The following OCRL variants were observed in gnomAD, a reference collection of about 807,000 sequenced individuals.
OCRL encodes OCRL inositol polyphosphate-5-phosphatase.
OCRL carries 8 observed loss-of-function variants against 78.9 expected under a neutral mutation model. The ratio of observed to expected loss-of-function variants is 0.10; its 90% confidence interval spans 0.06 to 0.18. The LOEUF (loss-of-function observed/expected upper bound fraction) is 0.18. OCRL is among the 10% of genes least tolerant of loss of function. The pLI is 1.00. For missense variants in OCRL, 454 were observed against 696.7 expected (o/e 0.65, Z 3.92); for synonymous variants, 240 against 235.4 (o/e 1.02, Z -0.18).
intron 22 of OCRL, chrX:129,589,423 T>C (rs1936559005): frequency 3.6e-6 from 1 of 274,048 alleles, no homozygotes; most frequent in African/African-American, 2.8e-5. Flanking sequence ...TACCTGTGAA[T>C]TGGACTAGTG....
chrX:129,581,342 T>C (rs1009462302), intron 18 of OCRL, among the ~76,000 whole-genome samples: 7 of 112,342 alleles, frequency 6.2e-5, no homozygotes, highest in Non-Finnish European at 1.1e-4. Flanking sequence ...GTTCTCTTTT[T>C]AAATGTAATC....
chrX:129,555,048 G>A (rs1055451067), intron 4 of OCRL, among the ~76,000 whole-genome samples: 31 of 110,692 alleles, frequency 2.8e-4, no homozygotes, highest in African/African-American at 9.2e-4. Flanking sequence ...GGACCAGCCA[G>A]TTTTGCAGTT....
chrX:129,576,483 A>G lies in OCRL; in HGVS notation c.2046A>G (p.Thr682=). ...ATTACCTCCCAAGTTGTTTTGGCAC[A>G]TCCTTAGAGGCTCTGTGCCGTATGA... ...SGNYLPSCFG[T]SLEALCRMKR... The change falls in exon 18 of 24, where the codon ACA becomes ACG. Residue 682 remains threonine, a synonymous_variant. Transcript: ENST00000371113. The G allele has an allele frequency of 8.3e-7, 1 of 1,211,816 alleles. No individual in the cohort carries two copies. The highest frequency in any genetic ancestry group is 1.1e-6 in the Non-Finnish European group (1 of 895,325).
Position 129,569,342 on chromosome X carries a change from T to C in OCRL, c.1545T>C (p.Ser515=). The C allele has an allele frequency of 8.3e-7, 1 of 1,211,059 alleles. No individual in the cohort carries two copies. The highest frequency in any genetic ancestry group is 1.8e-5 in the South Asian group (1 of 56,969). ...ATGTTAATCAGCTTAATTATCGGAG[T>C]CACATGGAACTGAAAACCAGCGACC... The part of the protein sequence containing the change: ...GTNVNQLNYR[S]HMELKTSDHK... The change falls in exon 15 of 24, where the codon AGT becomes AGC. Residue 515 remains serine (S), a synonymous_variant. Transcript: ENST00000371113.
chrX:129,548,650 T>A, intron 4 of OCRL, 49 bp downstream of exon 4: 1 of 1,033,797 alleles, frequency 9.7e-7, no homozygotes, highest in Non-Finnish European at 1.4e-6. Flanking sequence ...AAATATTTAC[T>A]TGAACACTCA....
At chrX:129,589,778 T>C in intron 22 of OCRL, 67 bp from the exon 23 acceptor site, 1 of 736,674 alleles carries the variant, frequency 1.4e-6, no homozygotes, top group South Asian at 2.1e-5. Flanking sequence ...TTACAGCAGC[T>C]GTAAGTTCCT....
At chrX:129,555,002 A>T (rs906870709) in intron 4 of OCRL, among the ~76,000 whole-genome samples, 10 of 105,866 alleles carry the variant, frequency 9.4e-5, no homozygotes, top group Non-Finnish European at 1.3e-4. Flanking sequence ...TAAATAAATA[A>T]AAATAAGAGG....
intron 12 of OCRL, among the ~76,000 whole-genome samples, chrX:129,563,314 G>A (rs760316884): frequency 8.1e-5 from 9 of 111,764 alleles, no homozygotes; most frequent in Non-Finnish European, 1.5e-4. Context: ...TAAAGACTTA[G>A]GAAGAAGATG....
chrX:129,560,112 C>T (rs938564360), intron 8 of OCRL, among the ~76,000 whole-genome samples: 8 of 112,129 alleles, frequency 7.1e-5, no homozygotes, highest in Admixed American at 6.6e-4. Flanking sequence ...ATCAGAATTT[C>T]CTACACAGAT....
At chrX:129,565,656 T>G in intron 12 of OCRL, 116 bp from the exon 13 acceptor site, 29 of 561,422 alleles carry the variant, frequency 5.2e-5, no homozygotes, top group East Asian at 1.3e-4. Context: ...AAACCCCTTG[T>G]GAGATAGTGG....
At position 129,540,813 on chromosome X, in the gene OCRL, G is replaced by C. The variant is rs767054196; in HGVS notation, c.109G>C (p.Gly37Arg). The change falls in exon 2 of 24, where the codon GGG becomes CGG. Residue 37 changes from glycine (G) to arginine (R), a missense_variant. This residue lies in a region of OCRL where 177 missense variants were observed against 179.6 expected (regional missense o/e 0.99). Coordinates refer to ENST00000371113, the MANE Select transcript of OCRL (RefSeq NM_000276.4). ...PCALTLAQRNGQYELIIQLHE... is the reference protein window; with the variant it reads ...PCALTLAQRNRQYELIIQLHE... ...CGCCCTGACCCTAGCCCAGAGGAAC[G>C]GGCAATATGAGTAAGTAACCACCTG... The C allele has an allele frequency of 1.6e-5, 19 of 1,204,091 alleles. No individual in the cohort carries two copies. The highest frequency in any genetic ancestry group is 2.0e-5 in the Non-Finnish European group (18 of 888,404).
chrX:129,560,126 CT>C (rs1936124817), intron 8 of OCRL, among the ~76,000 whole-genome samples: 1 of 112,035 alleles, frequency 8.9e-6, no homozygotes, highest in Non-Finnish European at 1.9e-5. Flanking sequence ...CACAGATGTC[CT>C]TGTAATCCTT....
chrX:129,540,657 G>T (rs1935781165), intron 1 of OCRL, 87 bp from the exon 2 acceptor site: 10 of 784,199 alleles, frequency 1.3e-5, no homozygotes, highest in African/African-American at 4.4e-5. Context: ...GCGGCGGTGG[G>T]GGGGGGGTGG....
At chrX:129,560,776 C>A in intron 9 of OCRL, 125 bp downstream of exon 9, 1 of 469,032 alleles carries the variant, frequency 2.1e-6, no homozygotes, top group Non-Finnish European at 3.7e-6. Context: ...AGTTAACTTG[C>A]GGGTCAAATT....
chrX:129,592,249 C>G lies in OCRL; in HGVS notation c.*1979C>G, dbSNP rs1307569147. 2 of 113,674 alleles carry G rather than the reference C, an allele frequency of 1.8e-5. No individual in the cohort carries two copies. The highest frequency in any genetic ancestry group is 3.8e-5 in the Non-Finnish European group (2 of 53,290). The allele number at this position is 113,674 out of a possible 1,213,427, so 9.4% of individuals were successfully genotyped here. A position where few individuals can be genotyped will look rare whatever the true frequency, so the allele number is the denominator to read the frequency against. ...TCCCTACCATGGCTATTCCAGCACC[C>G]CAACCTGTAATTGCCAAGTCCTCTA... On this transcript the variant is annotated 3_prime_UTR_variant, in exon 24 of 24. Transcript: ENST00000371113.
In OCRL at chrX:129,569,406, A is replaced by G. The variant is rs765119180; in HGVS notation, c.1602+7A>G. ...CGCCCTCTTCCATATTGGGGTAAAC[A>G]CTTGTTTGTACATTCATTTATTTGT... On this transcript the variant is annotated splice_region_variant and intron_variant, in intron 15 of 23. Transcript: ENST00000371113. 8.3e-6 allele frequency: 10 copies of G among 1,203,373 alleles called. No homozygotes were observed. The African/African-American group carries it at 1.1e-4, about 13-fold the overall frequency.
chrX:129,552,989 G>A (rs1488575871), intron 4 of OCRL, among the ~76,000 whole-genome samples: 1 of 112,279 alleles, frequency 8.9e-6, no homozygotes, highest in Non-Finnish European at 1.9e-5. Context: ...TACCATATTG[G>A]ACAGCACGGT....
In OCRL at chrX:129,547,543, AG is replaced by A. The variant is rs1177032186; in HGVS notation, c.200-1019del. ...CCGTCTCAAAAAAAAAAAAAAAAAAAGAAAAAGAAAACCATCTGTAAACACT... is the reference window on the plus strand; with the variant it reads ...CCGTCTCAAAAAAAAAAAAAAAAAAAAAAAAGAAAACCATCTGTAAACACT... On this transcript the variant is annotated intron_variant, in intron 3 of 23. Transcript: ENST00000371113. Among the ~76,000 whole-genome samples, 24 of 108,618 alleles carry A rather than the reference AG, an allele frequency of 2.2e-4. No homozygotes were observed. In the East Asian group the frequency reaches 5.6e-3, roughly 25 times the overall value. 94.3% of individuals were successfully genotyped at this position (108,618 alleles called of 115,157 possible). A position where few individuals can be genotyped will look rare whatever the true frequency, so the allele number is the denominator to read the frequency against.
chrX:129,541,730 C>A (rs1935804441), intron 2 of OCRL, among the ~76,000 whole-genome samples: 1 of 112,188 alleles, frequency 8.9e-6, no homozygotes, highest in Admixed American at 9.5e-5. Flanking sequence ...TGCCATCTCC[C>A]AACATTGGCT....
Sources: allele counts gnomAD v4.1 joint callset (sites outside exome capture counted in the v4.1 genomes callset), GRCh38; gene constraint gnomAD v4.1.1; regional missense constraint gnomAD v4.1.1; transcripts MANE v1.5; gene names NCBI Gene and HGNC (gene_info 2026-07-23, HGNC 2026-07-21).